The following EYS variants were observed in gnomAD, a reference collection of about 807,000 sequenced individuals.
EYS encodes the protein EGF-like photoreceptor maintenance factor, also known as protein eyes shut homolog.
Under a neutral mutation model 282.1 loss-of-function variants are expected in EYS, and 250 were observed. The observed-to-expected ratio is 0.89, with a 90% CI of 0.80 to 0.98. The LOEUF (loss-of-function observed/expected upper bound fraction) is 0.98. Among genes scored for constraint, EYS ranks in the 50% least tolerant of loss-of-function variants. The pLI, the probability that EYS is intolerant of heterozygous loss-of-function variation, is 0.00. For missense variants in EYS, 4,016 were observed against 3,709.0 expected, an observed-to-expected ratio of 1.08 and a Z score of -2.15; for synonymous variants, 1,355 against 1,282.9, an observed-to-expected ratio of 1.06 and a Z score of -1.20.
intron 36 of EYS, among the ~76,000 whole-genome samples, chr6:63,810,305 C>CG (rs1771015825): frequency 1.2e-5 from 1 of 84,962 alleles, no homozygotes; most frequent in African/African-American, 4.9e-5. Flanking sequence ...ACAAAAACAA[C>CG]CCCCCCCCCC....
At chr6:64,995,404 C>T (rs1229613886) in intron 14 of EYS, among the ~76,000 whole-genome samples, 1 of 152,028 alleles carries the variant, frequency 6.6e-6, no homozygotes, top group Non-Finnish European at 1.5e-5. Context: ...TAAATCCTAG[C>T]AAAAAGTAAA....
intron 37 of EYS, among the ~76,000 whole-genome samples, 155 bp downstream of exon 37, chr6:63,806,035 G>A (rs1021204540): frequency 1.3e-5 from 2 of 152,196 alleles, no homozygotes; most frequent in African/African-American, 4.8e-5. Flanking sequence ...TAAGTACTTT[G>A]GACTACAGCG....
chr6:65,373,332 T>C (rs1765233545), intron 8 of EYS, among the ~76,000 whole-genome samples: 1 of 152,162 alleles, frequency 6.6e-6, no homozygotes, highest in Non-Finnish European at 1.5e-5. Context: ...AAATTTCATG[T>C]TAAATGCTAA....
At chr6:64,700,599 C>G (rs867739981) in intron 22 of EYS, among the ~76,000 whole-genome samples, 20 of 151,676 alleles carry the variant, frequency 1.3e-4, no homozygotes, top group Admixed American at 1.3e-3. Context: ...CAAAGAGATA[C>G]AAATAAATAA....
chr6:64,019,063 C>A (rs898349811), intron 33 of EYS, among the ~76,000 whole-genome samples: 4 of 152,100 alleles, frequency 2.6e-5, no homozygotes, highest in African/African-American at 9.7e-5. Context: ...GTGTGAGCCA[C>A]CATGCCCGGC....
chr6:63,948,655 T>A (rs1005456794), intron 35 of EYS, among the ~76,000 whole-genome samples: 2 of 152,050 alleles, frequency 1.3e-5, no homozygotes, highest in Admixed American at 6.6e-5. Flanking sequence ...CTGAACCAAT[T>A]TTTTTTTCTA....
chr6:64,815,321 G>C (rs1764715782), intron 21 of EYS: 1 of 323,508 alleles, frequency 3.1e-6, no homozygotes. Flanking sequence ...AATTCCACAG[G>C]GAGTGGCATG....
chr6:64,535,606 G>A (rs2149795918), intron 26 of EYS, among the ~76,000 whole-genome samples: 1 of 151,684 alleles, frequency 6.6e-6, no homozygotes, highest in South Asian at 2.1e-4. Context: ...CCAGTGTGGT[G>A]GTGTGTGCCT....
At chr6:64,937,187 A>G (rs1317594956) in intron 15 of EYS, among the ~76,000 whole-genome samples, 1 of 151,568 alleles carries the variant, frequency 6.6e-6, no homozygotes, top group Non-Finnish European at 1.5e-5. Context: ...AGCTAAAAAT[A>G]TAAAGTTTAT....
At chr6:64,403,143 C>T (rs901412914) in intron 28 of EYS, among the ~76,000 whole-genome samples, 6 of 151,824 alleles carry the variant, frequency 4.0e-5, no homozygotes, top group African/African-American at 7.2e-5. Flanking sequence ...AGCAATTAAG[C>T]CACATCTAGT....
chr6:64,519,585 A>G (rs1777666406), intron 26 of EYS, among the ~76,000 whole-genome samples: 1 of 151,814 alleles, frequency 6.6e-6, no homozygotes, highest in Non-Finnish European at 1.5e-5. Flanking sequence ...TCTTTAAAAA[A>G]CAGAGGAAGG....
intron 12 of EYS, among the ~76,000 whole-genome samples, chr6:65,092,828 T>C (rs1774614625): frequency 6.6e-6 from 1 of 152,122 alleles, no homozygotes; most frequent in Non-Finnish European, 1.5e-5. Context: ...CTAAGGTTCT[T>C]TTGAGAAACC....
At chr6:65,105,869 G>A in intron 12 of EYS, among the ~76,000 whole-genome samples, 1 of 151,890 alleles carries the variant, frequency 6.6e-6, no homozygotes. Context: ...GAGATTAATT[G>A]AAGAGCATAA....
chr6:64,089,199 G>T (rs1334896815), intron 31 of EYS, among the ~76,000 whole-genome samples: 1 of 151,372 alleles, frequency 6.6e-6, no homozygotes, highest in Admixed American at 6.6e-5. Flanking sequence ...CCACTTATGA[G>T]TCTAATTTTA....
intron 12 of EYS, among the ~76,000 whole-genome samples, chr6:65,167,972 C>T (rs1228750665): frequency 2.0e-5 from 3 of 151,398 alleles, no homozygotes; most frequent in East Asian, 2.0e-4. Flanking sequence ...GATATTTTTA[C>T]AGCTTGTCAA....
At chr6:64,346,429 A>T (rs1205558137) in intron 29 of EYS, among the ~76,000 whole-genome samples, 1 of 151,944 alleles carries the variant, frequency 6.6e-6, no homozygotes, top group Non-Finnish European at 1.5e-5. Context: ...GGAAACCATC[A>T]TTCTCAGCAA....
intron 12 of EYS, among the ~76,000 whole-genome samples, chr6:65,170,835 T>G (rs1765088019): frequency 6.6e-6 from 1 of 151,544 alleles, no homozygotes; most frequent in Admixed American, 6.6e-5. Flanking sequence ...TCTCACTTAT[T>G]TTTAAAGTTA....
chr6:64,043,183 C>T (rs919142804), intron 33 of EYS, among the ~76,000 whole-genome samples: 5 of 152,148 alleles, frequency 3.3e-5, no homozygotes, highest in Non-Finnish European at 7.3e-5. Context: ...ATACCATTTT[C>T]ACCTAATAAT....
At chr6:64,000,667 A>G (rs1017173810) in intron 33 of EYS, among the ~76,000 whole-genome samples, 1 of 152,132 alleles carries the variant, frequency 6.6e-6, no homozygotes, top group African/African-American at 2.4e-5. Context: ...AAAACAAAAA[A>G]CAAACCCTAA....
Sources: allele counts gnomAD v4.1 joint callset (sites outside exome capture counted in the v4.1 genomes callset), GRCh38; gene constraint gnomAD v4.1.1; transcripts MANE v1.5; gene names NCBI Gene and HGNC (gene_info 2026-07-23, HGNC 2026-07-21).